Variants in TWSG1 observed in about 807,000 individuals in gnomAD.
The protein encoded by TWSG1 is twisted gastrulation protein homolog 1.
Under a neutral mutation model 23.0 loss-of-function variants are expected in TWSG1, and 15 were observed. That is an observed-to-expected ratio of 0.65 (90% CI 0.44 to 1.00). TWSG1 has a LOEUF of 1.00. TWSG1 is among the 50% of genes least tolerant of loss of function. TWSG1 has a pLI of 0.00. For missense variants in TWSG1, 242 were observed against 278.7 expected, an observed-to-expected ratio of 0.87 and a Z score of 0.94; for synonymous variants, 86 against 92.8, an observed-to-expected ratio of 0.93 and a Z score of 0.42.
intron 3 of TWSG1, among the ~76,000 whole-genome samples, chr18:9,368,357 T>A (rs908731086): frequency 6.6e-6 from 1 of 152,142 alleles, no homozygotes; most frequent in East Asian, 1.9e-4. Flanking sequence ...CCTGCCACCA[T>A]GCCTGGCTAA....
intron 2 of TWSG1, among the ~76,000 whole-genome samples, chr18:9,344,491 A>ATGTGTG (rs57863617): frequency 0.011 from 1,500 of 136,764 alleles, 33 homozygotes; most frequent in African/African-American, 0.035. Flanking sequence ...TAGTGAATGC[A>ATGTGTG]TGTGTGTGTG....
chr18:9,384,461 T>C (rs2040672946), intron 3 of TWSG1, among the ~76,000 whole-genome samples: 1 of 152,210 alleles, frequency 6.6e-6, no homozygotes, highest in Non-Finnish European at 1.5e-5. Context: ...TTAATGTGAC[T>C]TCTGGTTCAA....
chr18:9,387,819 C>T (rs1048121174), intron 3 of TWSG1, among the ~76,000 whole-genome samples: 8 of 151,436 alleles, frequency 5.3e-5, no homozygotes, highest in Non-Finnish European at 8.8e-5. Context: ...CGTTTTACCC[C>T]TACTTTCTTT....
intron 3 of TWSG1, among the ~76,000 whole-genome samples, chr18:9,368,719 G>A (rs1458667281): frequency 6.6e-6 from 1 of 152,120 alleles, no homozygotes; most frequent in Non-Finnish European, 1.5e-5. Context: ...AGGCCAAGGA[G>A]GGCAGATCAC....
At chr18:9,379,174 A>G (rs919715675) in intron 3 of TWSG1, among the ~76,000 whole-genome samples, 2 of 152,222 alleles carry the variant, frequency 1.3e-5, no homozygotes, top group Non-Finnish European at 2.9e-5. Context: ...ACTACTCAGT[A>G]TATACCCAAA....
chr18:9,394,352 G>GA (rs931674645), intron 3 of TWSG1, among the ~76,000 whole-genome samples: 6 of 152,158 alleles, frequency 3.9e-5, no homozygotes, highest in Non-Finnish European at 8.8e-5. Context: ...GTGGAAGTTA[G>GA]AAAAAAGTTC....
At chr18:9,390,295 G>A (rs1447038839) in intron 3 of TWSG1, among the ~76,000 whole-genome samples, 17 of 152,054 alleles carry the variant, frequency 1.1e-4, no homozygotes, top group Admixed American at 1.1e-3. Context: ...CCGAGTAGCT[G>A]GGACTACAGA....
rs370592415 is a variant in TWSG1, at chr18:9,345,298, A to C, written c.123+7946A>C. ...ACTTGTGCTTTTGGTGTTGTATCTA[A>C]GAAACCATTACCTAAGCCAAAGTCA... is the stretch of plus-strand genomic sequence containing the variant. On this transcript the variant is annotated intron_variant, in intron 2 of 4. Coordinates refer to ENST00000262120, the MANE Select transcript of TWSG1 (RefSeq NM_020648.6). 1.8e-4 allele frequency among the ~76,000 whole-genome samples: 27 copies of C among 152,282 alleles called. 1 individual carries two copies. The highest frequency in any genetic ancestry group is 3.4e-4 in the Non-Finnish European group (23 of 68,038).
intron 2 of TWSG1, among the ~76,000 whole-genome samples, chr18:9,355,714 G>A (rs2040523933): frequency 6.6e-6 from 1 of 152,136 alleles, no homozygotes; most frequent in African/African-American, 2.4e-5. Flanking sequence ...TATTAAATTT[G>A]CCTATTATAT....
intron 4 of TWSG1, among the ~76,000 whole-genome samples, chr18:9,398,917 A>G (rs2040749993): frequency 6.6e-6 from 1 of 151,954 alleles, no homozygotes; most frequent in East Asian, 1.9e-4. Context: ...ACTGAGGCAG[A>G]GAATCACTTG....
At chr18:9,357,770 A>G (rs867295343) in intron 2 of TWSG1, among the ~76,000 whole-genome samples, 28 of 152,110 alleles carry the variant, frequency 1.8e-4, no homozygotes, top group African/African-American at 6.3e-4. Context: ...AGTGTTCACA[A>G]TCAAGGAGGT....
intron 3 of TWSG1, among the ~76,000 whole-genome samples, chr18:9,382,456 G>T (rs895812868): frequency 3.9e-5 from 6 of 152,032 alleles, no homozygotes; most frequent in Non-Finnish European, 8.8e-5. Context: ...CCAGGAAGCG[G>T]AGGTTGCAGT....
At chr18:9,362,404 C>T (rs1485331445) in intron 3 of TWSG1, among the ~76,000 whole-genome samples, 20 of 152,014 alleles carry the variant, frequency 1.3e-4, no homozygotes, top group African/African-American at 3.6e-4. Flanking sequence ...GACAGGGTTT[C>T]GCCATGTTGC....
chr18:9,375,502 G>A (rs1431310538), intron 3 of TWSG1, among the ~76,000 whole-genome samples: 1 of 151,836 alleles, frequency 6.6e-6, no homozygotes, highest in Non-Finnish European at 1.5e-5. Flanking sequence ...AATAATACAA[G>A]GAAAGGAAAT....
chr18:9,356,921 T>A (rs1421752201), intron 2 of TWSG1, among the ~76,000 whole-genome samples: 5 of 151,426 alleles, frequency 3.3e-5, no homozygotes, highest in African/African-American at 4.9e-5. Context: ...TAAATTAAAA[T>A]TTTTTAAAAA....
intron 3 of TWSG1, among the ~76,000 whole-genome samples, chr18:9,376,835 A>C (rs74563067): frequency 6.7e-6 from 1 of 149,740 alleles, no homozygotes; most frequent in Non-Finnish European, 1.5e-5. Flanking sequence ...CTGTCTCCAA[A>C]AAAAAAAAAA....
chr18:9,383,784 A>C (rs936111797), intron 3 of TWSG1, among the ~76,000 whole-genome samples: 1 of 152,196 alleles, frequency 6.6e-6, no homozygotes, highest in African/African-American at 2.4e-5. Context: ...CAGTATCATT[A>C]AGGAATTGAA....
At chr18:9,356,840 C>T (rs2040529118) in intron 2 of TWSG1, among the ~76,000 whole-genome samples, 3 of 151,932 alleles carry the variant, frequency 2.0e-5, no homozygotes, top group Non-Finnish European at 1.5e-5. Flanking sequence ...TGGTACCCAG[C>T]ATTTCAGATA....
At chr18:9,387,540 A>C (rs2040690699) in intron 3 of TWSG1, among the ~76,000 whole-genome samples, 1 of 152,072 alleles carries the variant, frequency 6.6e-6, no homozygotes, top group Non-Finnish European at 1.5e-5. Flanking sequence ...CGAGGTGGGC[A>C]GATCACCTGA....
Sources: allele counts gnomAD v4.1 joint callset (sites outside exome capture counted in the v4.1 genomes callset), GRCh38; gene constraint gnomAD v4.1.1; transcripts MANE v1.5; gene names NCBI Gene and HGNC (gene_info 2026-07-23, HGNC 2026-07-21).